Variants in VWC2 observed in about 807,000 individuals in gnomAD.
VWC2 encodes the protein brorin.
In VWC2, 14 loss-of-function variants were observed where a neutral mutation model predicts 29.8. That is an observed-to-expected ratio of 0.47 (90% CI 0.31 to 0.74). The LOEUF (loss-of-function observed/expected upper bound fraction) is 0.74. VWC2 is among the 30% of genes least tolerant of loss of function. The pLI, the probability that VWC2 is intolerant of heterozygous loss-of-function variation, is 0.05. For synonymous variants in VWC2, 213 were observed against 199.0 expected, an observed-to-expected ratio of 1.07 and a Z score of -0.59; for missense variants, 457 against 459.8, an observed-to-expected ratio of 0.99 and a Z score of 0.05.
chr7:49,827,041 A>G (rs1789410302), intron 3 of VWC2, among the ~76,000 whole-genome samples: 1 of 152,102 alleles, frequency 6.6e-6, no homozygotes, highest in Non-Finnish European at 1.5e-5. Context: ...CTTATACATA[A>G]GAATACACAT....
At position 49,874,446 on chromosome 7, in the gene VWC2, G is replaced by T. The variant is rs989843000; in HGVS notation, c.827-37588G>T. On this transcript the variant is annotated intron_variant, in intron 3 of 3. Transcript: ENST00000340652. ...GGTGTGTAGAAGGCTGTACTATCTAGGTCTGTGCAAGTGCACCCTCTGATG... is the reference window on the plus strand; with the variant it reads ...GGTGTGTAGAAGGCTGTACTATCTATGTCTGTGCAAGTGCACCCTCTGATG... 6.6e-4 allele frequency among the ~76,000 whole-genome samples: 100 copies of T among 151,958 alleles called. 1 individual carries two copies. Among genetic ancestry groups the T allele is most frequent in the African/African-American group, 2.1e-3 (88 of 41,458 alleles).
intron 2 of VWC2, among the ~76,000 whole-genome samples, chr7:49,789,576 A>G (rs1424102069): frequency 6.6e-6 from 1 of 152,166 alleles, no homozygotes; most frequent in Non-Finnish European, 1.5e-5. Context: ...ATTCTTAGGA[A>G]GACATTATTT....
At chr7:49,791,524 T>C (rs1788462665) in intron 2 of VWC2, among the ~76,000 whole-genome samples, 1 of 152,254 alleles carries the variant, frequency 6.6e-6, no homozygotes, top group Admixed American at 6.5e-5. Flanking sequence ...ACAGTTGTTC[T>C]TGTTAAAGTT....
At chr7:49,776,240 AGGTG>A in intron 2 of VWC2, 109 bp downstream of exon 2, 1 of 988,424 alleles carries the variant, frequency 1.0e-6, no homozygotes, top group Non-Finnish European at 1.5e-6. Flanking sequence ...TGGTTCTGAG[AGGTG>A]GAGAGCACTG....
At chr7:49,840,079 G>A (rs993256135) in intron 3 of VWC2, among the ~76,000 whole-genome samples, 3 of 152,210 alleles carry the variant, frequency 2.0e-5, no homozygotes, top group Admixed American at 6.5e-5. Context: ...TTCCGGAGCA[G>A]GAGCGCCTTT....
chr7:49,862,133 T>C (rs1790674145), intron 3 of VWC2, among the ~76,000 whole-genome samples: 1 of 152,222 alleles, frequency 6.6e-6, no homozygotes, highest in Non-Finnish European at 1.5e-5. Flanking sequence ...TTTCATTTAT[T>C]TGTGTTTTCT....
chr7:49,840,592 C>G (rs1480345058), intron 3 of VWC2, among the ~76,000 whole-genome samples: 1 of 152,102 alleles, frequency 6.6e-6, no homozygotes, highest in Non-Finnish European at 1.5e-5. Context: ...ATAAATAAGT[C>G]TTTGTTAACT....
intron 3 of VWC2, among the ~76,000 whole-genome samples, chr7:49,812,580 T>G (rs1319297979): frequency 6.6e-6 from 1 of 152,154 alleles, no homozygotes; most frequent in Non-Finnish European, 1.5e-5. Context: ...ACTTAAGAGT[T>G]TATTTGAACA....
At chr7:49,876,121 C>T (rs1791406251) in intron 3 of VWC2, among the ~76,000 whole-genome samples, 4 of 152,044 alleles carry the variant, frequency 2.6e-5, no homozygotes, top group Admixed American at 2.6e-4. Flanking sequence ...AGAAAGGATC[C>T]AAAATACAGA....
chr7:49,878,465 T>C (rs1430109764), intron 3 of VWC2, among the ~76,000 whole-genome samples: 1 of 152,180 alleles, frequency 6.6e-6, no homozygotes, highest in Non-Finnish European at 1.5e-5. Flanking sequence ...AATTCTTAAA[T>C]AATGTATTTG....
intron 3 of VWC2, among the ~76,000 whole-genome samples, chr7:49,886,560 T>C (rs927853899): frequency 5.9e-5 from 9 of 152,356 alleles, no homozygotes; most frequent in East Asian, 1.9e-4. Context: ...CCCTATTCAG[T>C]TCTTTTAGAA....
rs181779287 is a variant in VWC2 at position 49,782,005 on chromosome 7, G to T, written c.696+5874G>T. On this transcript the variant is annotated intron_variant, in intron 2 of 3. Transcript: ENST00000340652. ...ATCAGACCCATGTGGGGCAACAGGT[G>T]GCCCAAGAGGAAGATCTGGTTCTAG... Among the ~76,000 whole-genome samples, 53 of 152,306 alleles carry T rather than the reference G, an allele frequency of 3.5e-4. No individual in the cohort carries two copies. In the East Asian group the frequency reaches 9.1e-3, roughly 26 times the overall value.
chr7:49,885,188 G>A (rs995811399), intron 3 of VWC2, among the ~76,000 whole-genome samples: 1 of 152,078 alleles, frequency 6.6e-6, no homozygotes, highest in African/African-American at 2.4e-5. Flanking sequence ...TGAAATAATT[G>A]TTAAATAATT....
rs1482992609 is a variant in VWC2, at chr7:49,773,658, C to T, written c.-559C>T. 1.3e-5 allele frequency: 2 copies of T among 152,576 alleles called. No homozygotes were observed. The highest frequency in any genetic ancestry group is 2.4e-5 in the African/African-American group (1 of 41,418). 9.5% of individuals were successfully genotyped at this position (152,576 alleles called of 1,614,324 possible). On this transcript the variant is annotated 5_prime_UTR_variant, in exon 1 of 4. Transcript: ENST00000340652. ...CGGGCGCGCTAGCTCCCATGCTGGC[C>T]TCGGTGCCACTCGCGCGCCGGCCGC...
At chr7:49,809,056 T>A (rs1266173841) in intron 3 of VWC2, among the ~76,000 whole-genome samples, 1 of 151,914 alleles carries the variant, frequency 6.6e-6, no homozygotes, top group Admixed American at 6.6e-5. Context: ...TAGAAACTAG[T>A]AAAGCTTAGG....
At position 49,914,408 on chromosome 7, in the gene VWC2, T is replaced by C. The variant is rs890658773; in HGVS notation, c.*2223T>C. 2.0e-5 allele frequency: 3 copies of C among 152,230 alleles called. No individual in the cohort carries two copies. Among genetic ancestry groups the C allele is most frequent in the Admixed American group, 6.5e-5 (1 of 15,280 alleles). The allele number at this position is 152,230 out of a possible 1,614,324, so 9.4% of individuals were successfully genotyped here. A position where few individuals can be genotyped will look rare whatever the true frequency, so the allele number is the denominator to read the frequency against. On this transcript the variant is annotated 3_prime_UTR_variant, in exon 4 of 4. Coordinates refer to ENST00000340652, the MANE Select transcript of VWC2 (RefSeq NM_198570.5). ...GGGAAGTTAACTGACTCACTTGCTC[T>C]AAACTTAGTTTGACCTGCAGGGTCA...
chr7:49,862,654 T>G (rs1377469920), intron 3 of VWC2, among the ~76,000 whole-genome samples: 2 of 141,174 alleles, frequency 1.4e-5, no homozygotes, highest in Non-Finnish European at 3.0e-5. Context: ...CTTTGATGTG[T>G]TTTTTTTTTC....
intron 2 of VWC2, among the ~76,000 whole-genome samples, chr7:49,782,901 C>T (rs1367830789): frequency 3.3e-5 from 5 of 152,204 alleles, no homozygotes; most frequent in Admixed American, 1.3e-4. Context: ...TTCTGCATTC[C>T]TCTCCCATTA....
At chr7:49,862,741 T>C (rs1203970233) in intron 3 of VWC2, among the ~76,000 whole-genome samples, 5 of 151,388 alleles carry the variant, frequency 3.3e-5, no homozygotes, top group Admixed American at 2.6e-4. Context: ...TTTTTTTCAT[T>C]CTTCATTCTG....
Sources: allele counts gnomAD v4.1 joint callset (sites outside exome capture counted in the v4.1 genomes callset), GRCh38; gene constraint gnomAD v4.1.1; transcripts MANE v1.5; gene names NCBI Gene and HGNC (gene_info 2026-07-23, HGNC 2026-07-21).